Variants in TNS3 observed in about 807,000 individuals in gnomAD.
TNS3 encodes tensin-3.
TNS3 carries 45 observed loss-of-function variants against 140.9 expected under a neutral mutation model. The observed-to-expected ratio is 0.32, with a 90% CI of 0.25 to 0.41. The LOEUF (loss-of-function observed/expected upper bound fraction) is 0.41, where lower values mean the gene tolerates loss of function less well. Ranked by LOEUF, TNS3 falls within the 10% of genes least tolerant of loss-of-function variation. TNS3 has a pLI of 1.00. For missense variants in TNS3, 1,716 were observed against 1,906.7 expected (o/e 0.90, Z 1.86); for synonymous variants, 815 against 788.4 (o/e 1.03, Z -0.56).
chr7:47,460,771 T>C (rs1796459489), intron 4 of TNS3, among the ~76,000 whole-genome samples: 1 of 152,188 alleles, frequency 6.6e-6, no homozygotes, highest in Non-Finnish European at 1.5e-5. Context: ...AGCTGGTTAA[T>C]GTAACTAGGA....
chr7:47,417,672 G>A (rs931912659), intron 10 of TNS3, among the ~76,000 whole-genome samples: 2 of 152,062 alleles, frequency 1.3e-5, no homozygotes, highest in South Asian at 2.1e-4. Context: ...ATATTTTCAG[G>A]TAAATTAAAG....
chr7:47,435,768 C>T (rs918328678), intron 7 of TNS3, among the ~76,000 whole-genome samples: 1 of 152,168 alleles, frequency 6.6e-6, no homozygotes, highest in Non-Finnish European at 1.5e-5. Context: ...TCTCCCCACT[C>T]GGGTTAAAAT....
chr7:47,345,120 C>G (rs2150995859), intron 18 of TNS3, 82 bp from the exon 19 acceptor site: 6 of 1,117,424 alleles, frequency 5.4e-6, no homozygotes, highest in Non-Finnish European at 6.6e-6. Flanking sequence ...GTGGCTCCCC[C>G]AGGCTGGCCC....
chr7:47,499,095 T>C (rs1209665660), intron 3 of TNS3, among the ~76,000 whole-genome samples: 1 of 152,238 alleles, frequency 6.6e-6, no homozygotes, highest in African/African-American at 2.4e-5. Flanking sequence ...GTACAAAGTA[T>C]AATTGTGCTG....
chr7:47,525,110 G>A (rs528779757), intron 2 of TNS3, among the ~76,000 whole-genome samples: 5 of 152,320 alleles, frequency 3.3e-5, no homozygotes, highest in African/African-American at 1.2e-4. Context: ...AACAGGACAG[G>A]AGATAATGCT....
intron 3 of TNS3, among the ~76,000 whole-genome samples, chr7:47,505,834 C>A (rs1453284062): frequency 6.6e-6 from 1 of 152,152 alleles, no homozygotes; most frequent in Non-Finnish European, 1.5e-5. Context: ...TATGTGCATG[C>A]ACATGTGTGT....
chr7:47,400,580 C>T (rs1053945399), intron 14 of TNS3, 122 bp from the exon 15 acceptor site: 18 of 1,252,364 alleles, frequency 1.4e-5, no homozygotes, highest in Middle Eastern at 4.2e-4. Context: ...AAAGACACCC[C>T]ATGATACAGA....
intron 17 of TNS3, among the ~76,000 whole-genome samples, chr7:47,364,417 G>A (rs1023715198): frequency 6.6e-6 from 1 of 151,872 alleles, no homozygotes; most frequent in African/African-American, 2.4e-5. Context: ...CAAGAAGCTG[G>A]AATTACAGGC....
intron 13 of TNS3, among the ~76,000 whole-genome samples, chr7:47,404,139 A>G (rs929933913): frequency 6.6e-6 from 1 of 152,222 alleles, no homozygotes. Flanking sequence ...GCATAGAAAA[A>G]TGAAATAAGA....
chr7:47,456,928 T>G (rs1409103530), intron 4 of TNS3, among the ~76,000 whole-genome samples: 2 of 151,808 alleles, frequency 1.3e-5, no homozygotes, highest in East Asian at 1.9e-4. Flanking sequence ...GTGAATGACA[T>G]TAACGAGACT....
intron 3 of TNS3, among the ~76,000 whole-genome samples, chr7:47,493,981 T>C (rs1310165248): frequency 6.6e-6 from 1 of 152,224 alleles, no homozygotes; most frequent in Non-Finnish European, 1.5e-5. Flanking sequence ...CCAAACTAGT[T>C]CCTGCTGGTC....
At chr7:47,478,480 C>T (rs2151774464) in intron 4 of TNS3, among the ~76,000 whole-genome samples, 1 of 151,844 alleles carries the variant, frequency 6.6e-6, no homozygotes, top group East Asian at 1.9e-4. Context: ...CACACACATC[C>T]ATATGTTCAC....
rs1163560328 is a variant in TNS3, at chr7:47,302,278, A to G, written c.3458-6T>C. 6.2e-7 allele frequency: 1 copy of G among 1,613,044 alleles called. No homozygotes were observed. Among genetic ancestry groups the G allele is most frequent in the African/African-American group, 1.3e-5 (1 of 75,042 alleles). On this transcript the variant is annotated splice_region_variant and splice_polypyrimidine_tract_variant and intron_variant, in intron 22 of 30. Transcript: ENST00000311160. ...AAGTTTATCACCTGGACTATCTGTA[A>G]AGCAAAATTTAAAAACAGTGACCAT...
chr7:47,369,245 G>A lies in TNS3; in HGVS notation c.1401C>T (p.Asp467=), dbSNP rs552564152. The change falls in exon 17 of 31, where the codon GAC becomes GAT. Residue 467 remains aspartate, a synonymous_variant. Coordinates refer to ENST00000311160, the MANE Select transcript of TNS3 (RefSeq NM_022748.12). The part of the protein sequence containing the change: ...VVPAQVHVNG[D]AALKDRETDI... The stretch of plus-strand genomic sequence containing the variant: ...CTGTCTCCCGATCCTTCAGAGCAGC[G>A]TCTCCATTCACGTGAACCTGGGCTG... 94 of 1,614,202 alleles carry A rather than the reference G, an allele frequency of 5.8e-5. No homozygotes were observed. In the South Asian group the frequency reaches 9.0e-4, roughly 15 times the overall value.
At chr7:47,557,244 G>A (rs892863541) in intron 1 of TNS3, 59 of 418,400 alleles carry the variant, frequency 1.4e-4, no homozygotes, top group Admixed American at 1.2e-3. Flanking sequence ...CTGACTTTTC[G>A]TCTTTCCTCA....
intron 27 of TNS3, among the ~76,000 whole-genome samples, chr7:47,286,727 A>G (rs1405823418): frequency 6.6e-6 from 1 of 152,214 alleles, no homozygotes; most frequent in Non-Finnish European, 1.5e-5. Context: ...TCCTCTAAGC[A>G]TTGTCTGTGG....
intron 1 of TNS3, among the ~76,000 whole-genome samples, chr7:47,565,939 A>G (rs1800419508): frequency 6.6e-6 from 1 of 152,216 alleles, no homozygotes; most frequent in Admixed American, 6.5e-5. Context: ...CCACAGTCTG[A>G]TGGCATGATA....
chr7:47,470,514 T>C, intron 4 of TNS3: 2 of 985,456 alleles, frequency 2.0e-6, no homozygotes, highest in Non-Finnish European at 2.4e-6. Context: ...AAACACTGCT[T>C]ACAGGTGAGT....
At chr7:47,525,313 C>G (rs936297801) in intron 2 of TNS3, among the ~76,000 whole-genome samples, 1 of 152,190 alleles carries the variant, frequency 6.6e-6, no homozygotes, top group Non-Finnish European at 1.5e-5. Context: ...AGTAGATGGG[C>G]CACGGGGCCA....
Sources: gnomAD v4.1 joint callset for allele counts (sites outside exome capture counted in the v4.1 genomes callset) on GRCh38, gnomAD v4.1.1 for gene constraint, MANE v1.5 for transcripts, NCBI Gene and HGNC (gene_info 2026-07-23, HGNC 2026-07-21) for gene names.